Variants in STPG2 observed in about 807,000 individuals in gnomAD.
The protein encoded by STPG2 is sperm tail PG-rich repeat containing 2.
Under a neutral mutation model 54.2 loss-of-function variants are expected in STPG2, and 56 were observed. The observed-to-expected ratio is 1.03, with a 90% CI of 0.83 to 1.29. The LOEUF is 1.29. STPG2 is among the 50% of genes most tolerant of loss of function. The probability of loss-of-function intolerance (pLI) is 0.00; values close to 1 mark genes in which losing one functional copy is unlikely to be tolerated. For synonymous variants in STPG2, 200 were observed against 181.8 expected, an observed-to-expected ratio of 1.10 and a Z score of -0.81; for missense variants, 596 against 544.9, an observed-to-expected ratio of 1.09 and a Z score of -0.93.
chr4:97,712,999 T>C (rs1424581285), intron 9 of STPG2, among the ~76,000 whole-genome samples, 185 bp from the exon 10 acceptor site: 1 of 152,190 alleles, frequency 6.6e-6, no homozygotes, highest in East Asian at 1.9e-4. Context: ...CATAAGATAG[T>C]GGCATCTGTT....
intron 4 of STPG2, among the ~76,000 whole-genome samples, chr4:97,509,507 G>C (rs1047390472): frequency 1.3e-5 from 2 of 152,034 alleles, no homozygotes; most frequent in African/African-American, 4.8e-5. Flanking sequence ...TCATAGAGAA[G>C]TTACAAATGA....
Position 97,715,399 on chromosome 4 carries a change from T to A in STPG2, c.1205-2585A>T, listed in dbSNP as rs536921637. ...TGGGAAATTCAAGAGTAGGTGATTC[T>A]TATAATTGCATATTTTCCAGCCCTG... is the stretch of plus-strand genomic sequence containing the variant. On this transcript the variant is annotated intron_variant, in intron 9 of 10. Transcript: ENST00000295268. Among the ~76,000 whole-genome samples, 153 of 152,270 alleles carry A rather than the reference T, an allele frequency of 1.0e-3. 2 individuals are homozygous for A. In the South Asian group the frequency reaches 0.019, roughly 19 times the overall value.
chr4:97,909,737 T>C (rs1228515128), intron 8 of STPG2, among the ~76,000 whole-genome samples: 2 of 152,114 alleles, frequency 1.3e-5, no homozygotes, highest in African/African-American at 4.8e-5. Flanking sequence ...CTTAATAAAA[T>C]TTAGAATATA....
chr4:97,771,698 G>A (rs1322055619), intron 9 of STPG2, among the ~76,000 whole-genome samples: 2 of 152,200 alleles, frequency 1.3e-5, no homozygotes, highest in African/African-American at 2.4e-5. Flanking sequence ...TGGGGAGCTG[G>A]GGCACAGACT....
intron 4 of STPG2, among the ~76,000 whole-genome samples, chr4:97,471,582 G>A (rs1363398763): frequency 6.6e-6 from 1 of 152,066 alleles, no homozygotes; most frequent in Non-Finnish European, 1.5e-5. Context: ...TTCTGAGAAG[G>A]TGCCTGAGGG....
At chr4:98,108,793 T>C (rs55757360) in intron 4 of STPG2, among the ~76,000 whole-genome samples, 7,078 of 152,114 alleles carry the variant, frequency 0.047, 228 homozygotes, top group Non-Finnish European at 0.065. Flanking sequence ...ATATTAACTA[T>C]GCAAAGCTTG....
intron 3 of STPG2, among the ~76,000 whole-genome samples, chr4:98,114,259 T>C (rs1208610108): frequency 6.6e-6 from 1 of 152,104 alleles, no homozygotes; most frequent in South Asian, 2.1e-4. Flanking sequence ...AAATTTCCCA[T>C]TTATGTTAGA....
At chr4:97,831,149 A>G (rs1343917429) in intron 9 of STPG2, among the ~76,000 whole-genome samples, 2 of 152,196 alleles carry the variant, frequency 1.3e-5, no homozygotes, top group South Asian at 2.1e-4. Flanking sequence ...CAAATGCAAA[A>G]CAATGGAAAT....
chr4:97,991,618 C>T (rs1210645887), intron 5 of STPG2, among the ~76,000 whole-genome samples: 3 of 151,842 alleles, frequency 2.0e-5, no homozygotes, highest in South Asian at 2.1e-4. Context: ...GGGTAGATAC[C>T]CAGTAGTGGG....
intron 4 of STPG2, among the ~76,000 whole-genome samples, chr4:97,541,235 C>T (rs1485485910): frequency 2.6e-5 from 4 of 152,002 alleles, no homozygotes; most frequent in Non-Finnish European, 4.4e-5. Context: ...CATCTCAGCC[C>T]AAAATCTCCT....
At chr4:97,876,876 T>G (rs909149346) in intron 8 of STPG2, among the ~76,000 whole-genome samples, 1 of 152,002 alleles carries the variant, frequency 6.6e-6, no homozygotes, top group Admixed American at 6.6e-5. Flanking sequence ...ATAGAAAAAA[T>G]TTGGACCATG....
intron 10 of STPG2, among the ~76,000 whole-genome samples, chr4:97,570,469 T>C (rs994915577): frequency 6.6e-6 from 1 of 152,032 alleles, no homozygotes; most frequent in Non-Finnish European, 1.5e-5. Flanking sequence ...CGTCCTCAAT[T>C]TGCCTAAAAG....
intron 1 of STPG2, among the ~76,000 whole-genome samples, chr4:98,134,769 T>C (rs1460386260): frequency 6.6e-6 from 1 of 151,732 alleles, no homozygotes; most frequent in Non-Finnish European, 1.5e-5. Context: ...TATATTTAGC[T>C]GATAAAACAT....
At position 98,018,387 on chromosome 4, in the gene STPG2, T is replaced by G. The variant is rs866843936; in HGVS notation, c.613-37069A>C. 3.3e-5 allele frequency among the ~76,000 whole-genome samples: 5 copies of G among 152,356 alleles called. 1 individual carries two copies. In the South Asian group the frequency reaches 1.0e-3, roughly 32 times the overall value. On this transcript the variant is annotated intron_variant, in intron 5 of 10. Transcript: ENST00000295268. ...GCTGCATAGTATTCCATGGTGTATA[T>G]GTGCCAGATTTTCTTAATCCAGTCT... is the stretch of plus-strand genomic sequence containing the variant.
At chr4:97,977,483 C>A (rs893689907) in intron 6 of STPG2, among the ~76,000 whole-genome samples, 14 of 152,146 alleles carry the variant, frequency 9.2e-5, no homozygotes, top group African/African-American at 3.4e-4. Context: ...AAACTGGATT[C>A]TGACCCTTTT....
chr4:97,721,873 C>T (rs181007942), intron 9 of STPG2, among the ~76,000 whole-genome samples: 1 of 152,132 alleles, frequency 6.6e-6, no homozygotes, highest in East Asian at 1.9e-4. Flanking sequence ...TATCAAAATA[C>T]TCTTTTTAAA....
At chr4:97,477,514 T>C (rs1730103907) in intron 4 of STPG2, among the ~76,000 whole-genome samples, 1 of 150,496 alleles carries the variant, frequency 6.6e-6, no homozygotes, top group Non-Finnish European at 1.5e-5. Flanking sequence ...TCTCGCTCTG[T>C]TGCTCAGGCA....
At chr4:97,796,504 T>C (rs767480225) in intron 9 of STPG2, among the ~76,000 whole-genome samples, 2 of 152,186 alleles carry the variant, frequency 1.3e-5, no homozygotes, top group Admixed American at 1.3e-4. Context: ...AAAGATCAGA[T>C]GGTAGTAGAT....
At chr4:97,919,491 G>A (rs1297355674) in intron 8 of STPG2, among the ~76,000 whole-genome samples, 1 of 151,390 alleles carries the variant, frequency 6.6e-6, no homozygotes, top group Non-Finnish European at 1.5e-5. Context: ...AGGGAAAAGA[G>A]GGAACTTAAC....
Sources: allele counts gnomAD v4.1 joint callset (sites outside exome capture counted in the v4.1 genomes callset), GRCh38; gene constraint gnomAD v4.1.1; transcripts MANE v1.5; gene names NCBI Gene and HGNC (gene_info 2026-07-23, HGNC 2026-07-21).